Variants in SLC47A2 observed in about 807,000 individuals in gnomAD.
SLC47A2 encodes multidrug and toxin extrusion protein 2.
A neutral mutation model predicts 67.7 loss-of-function variants in SLC47A2; 52 were observed. The observed-to-expected ratio is 0.77, with a 90% CI of 0.61 to 0.97. The LOEUF (loss-of-function observed/expected upper bound fraction) is 0.97, where lower values mean the gene tolerates loss of function less well. SLC47A2 is among the 50% of genes least tolerant of loss of function. The pLI is 0.00. For missense variants in SLC47A2, 676 were observed against 712.3 expected (o/e 0.95, Z 0.58); for synonymous variants, 278 against 292.9 (o/e 0.95, Z 0.52).
At position 19,678,636 on chromosome 17, in the gene SLC47A2, T is replaced by G. The variant is rs749136890; in HGVS notation, c.*50A>C. 3.3e-5 allele frequency: 53 copies of G among 1,585,922 alleles called. No homozygotes were observed. The East Asian group carries it at 1.1e-3, about 34-fold the overall frequency. On this transcript the variant is annotated 3_prime_UTR_variant, in exon 17 of 17. Transcript: ENST00000433844. ...TTTTGCAGGGCAGACCGTGGTGTGT[T>G]TGCATACTGGGGACAGCCACTCCTG... is the stretch of plus-strand genomic sequence containing the variant.
At chr17:19,716,323 A>AGTTTCTGGGGAAAATGTGAGCAC (rs1311764212) in intron 1 of SLC47A2, 110 bp downstream of exon 1, 41 of 1,444,664 alleles carry the variant, frequency 2.8e-5, no homozygotes, top group Non-Finnish European at 3.7e-5. Context: ...CAACATGGGC[A>AGTTTCTGGGGAAAATGTGAGCAC]GTTTCTGGGG....
intron 13 of SLC47A2, among the ~76,000 whole-genome samples, chr17:19,693,692 G>A (rs1435946137): frequency 6.6e-6 from 1 of 151,974 alleles, no homozygotes; most frequent in African/African-American, 2.4e-5. Context: ...CAGCTACTTG[G>A]GAGGCTGAGG....
At chr17:19,684,439 T>G (rs887108395) in intron 13 of SLC47A2, among the ~76,000 whole-genome samples, 1 of 152,112 alleles carries the variant, frequency 6.6e-6, no homozygotes, top group African/African-American at 2.4e-5. Flanking sequence ...TAGAGGGAAA[T>G]GTACAGCTTC....
intron 8 of SLC47A2, 76 bp from the exon 9 acceptor site, chr17:19,706,837 C>A: frequency 8.9e-7 from 1 of 1,120,812 alleles, no homozygotes; most frequent in East Asian, 2.5e-5. Context: ...TGCCAGGAGG[C>A]CCCTAAACCC....
At chr17:19,692,403 A>G in intron 13 of SLC47A2, 1 of 367,812 alleles carries the variant, frequency 2.7e-6, no homozygotes, top group Non-Finnish European at 5.2e-6. Context: ...AGGAAATATG[A>G]AGAGCAACTT....
chr17:19,714,855 T>G, intron 2 of SLC47A2, 66 bp from the exon 3 acceptor site: 1 of 1,603,962 alleles, frequency 6.2e-7, no homozygotes, highest in Non-Finnish European at 8.5e-7. Context: ...CCCCTGCATC[T>G]GGGCTGAGCC....
At chr17:19,687,455 G>A (rs1434107584) in intron 13 of SLC47A2, among the ~76,000 whole-genome samples, 1 of 151,736 alleles carries the variant, frequency 6.6e-6, no homozygotes, top group Non-Finnish European at 1.5e-5. Context: ...AGAAAAGCAA[G>A]AGCAAACCAA....
In SLC47A2 at chr17:19,712,722, A is replaced by C. The variant is rs1437108040; in HGVS notation, c.467T>G (p.Ile156Ser). 6.2e-7 allele frequency: 1 copy of C among 1,613,368 alleles called. No homozygotes were observed. The change falls in exon 5 of 17, where the codon ATT becomes AGT. Residue 156 changes from isoleucine to serine, a missense_variant. Physicochemically the swap from Ile to Ser is moderately radical, Grantham distance 142 (BLOSUM62 -2). Coordinates refer to ENST00000433844, the MANE Select transcript of SLC47A2 (RefSeq NM_001099646.3). Reference protein sequence around the residue: ...VSRLTQDYVMIFIPGLPVIFL... With the variant: ...VSRLTQDYVMSFIPGLPVIFL... The stretch of plus-strand genomic sequence containing the variant: ...ACCTACCGGAAGTCCTGGAATGAAA[A>C]TCATTACATAGTCCTGGGTCAACCT...
intron 11 of SLC47A2, 58 bp from the exon 12 acceptor site, chr17:19,703,225 C>A: frequency 1.3e-6 from 2 of 1,528,928 alleles, no homozygotes; most frequent in South Asian, 2.3e-5. Flanking sequence ...CACCCTTGCT[C>A]AGATCAGCAA....
Position 19,715,135 on chromosome 17 carries a change from G to T in SLC47A2, c.206C>A (p.Ser69Ter). 6.2e-7 allele frequency: 1 copy of T among 1,612,374 alleles called. No homozygotes were observed. Among genetic ancestry groups the T allele is most frequent in the South Asian group, 1.1e-5 (1 of 91,082 alleles). ...ACTCACGGCCACCGCGAGGGTCACCGATGCCAGCTCCACCTTGCCCAGGTG... is the reference window on the plus strand; with the variant it reads ...ACTCACGGCCACCGCGAGGGTCACCTATGCCAGCTCCACCTTGCCCAGGTG... ...CGHLGKVELA[S>*]VTLAVAFVNV... The change falls in exon 2 of 17, where the codon TCG becomes TAG. Residue 69 changes from serine (S) to a stop codon, truncating the protein, a stop_gained. Transcript: ENST00000433844. LOFTEE classifies it high-confidence loss of function.
At position 19,702,672 on chromosome 17, in the gene SLC47A2, T is replaced by C; in HGVS notation, c.1097A>G (p.Asp366Gly). 1 of 1,613,890 alleles carries C rather than the reference T, an allele frequency of 6.2e-7. No homozygotes were observed. The change falls in exon 13 of 17, where the codon GAT becomes GGT. Residue 366 changes from aspartate to glycine, a missense_variant and splice_region_variant. By Grantham distance (94) the Asp-to-Gly change is moderately conservative. Coordinates refer to ENST00000433844, the MANE Select transcript of SLC47A2 (RefSeq NM_001099646.3). ...QLGHIFTNDE[D>G]VIALVSQVLP... ...GACCTGGCTCACCAGGGCAATGACA[T>C]CTCTGCAGAAGAAATGAGAAAGCAT...
chr17:19,708,556 C>A, intron 6 of SLC47A2, 157 bp from the exon 7 acceptor site: 2 of 1,610,326 alleles, frequency 1.2e-6, no homozygotes, highest in Admixed American at 3.3e-5. Context: ...TCACCTGCCT[C>A]TGTGCGGGAG....
intron 13 of SLC47A2, among the ~76,000 whole-genome samples, chr17:19,687,184 C>T (rs2085446870): frequency 6.6e-6 from 1 of 152,056 alleles, no homozygotes; most frequent in South Asian, 2.1e-4. Context: ...TAATATGCTC[C>T]TGAATGACCA....
At position 19,713,004 on chromosome 17, in the gene SLC47A2, T is replaced by C. The variant is rs2059737678; in HGVS notation, c.444-259A>G. On this transcript the variant is annotated intron_variant, in intron 4 of 16. Transcript: ENST00000433844. ...AACGTGGTTCGTAAGAAAAAAAGGTTATATCTTAAAAAGGAATAACCAAAT... is the reference window on the plus strand; with the variant it reads ...AACGTGGTTCGTAAGAAAAAAAGGTCATATCTTAAAAAGGAATAACCAAAT... Among the ~76,000 whole-genome samples the C allele has an allele frequency of 3.9e-5, 6 of 152,302 alleles. No individual in the cohort carries two copies. In the South Asian group the frequency reaches 1.2e-3, roughly 32 times the overall value.
intron 13 of SLC47A2, among the ~76,000 whole-genome samples, chr17:19,697,710 C>T (rs887046935): frequency 9.2e-5 from 14 of 151,932 alleles, no homozygotes; most frequent in African/African-American, 2.9e-4. Flanking sequence ...ACCTCAGCCT[C>T]CCTAGTAGCT....
chr17:19,708,828 A>T (rs2086019045), intron 5 of SLC47A2, 68 bp from the exon 6 acceptor site: 3 of 1,570,754 alleles, frequency 1.9e-6, no homozygotes, highest in Non-Finnish European at 2.6e-6. Flanking sequence ...GCATTAACAG[A>T]CATTCCTTTC....
chr17:19,678,870 G>C lies in SLC47A2; in HGVS notation c.1517C>G (p.Thr506Arg). The stretch of plus-strand genomic sequence containing the variant: ...CACGTGGCACTCAGACCTTGAATAC[G>C]TTGTCAAGGTAATGCCAGGGGAACT... ...TGSSPGITLT[T>R]YSRSECHVDF... The change falls in exon 17 of 17, where the codon ACG becomes AGG. Residue 506 changes from threonine to arginine, a missense_variant. Transcript: ENST00000433844. The C allele has an allele frequency of 6.3e-7, 1 of 1,597,912 alleles. No individual in the cohort carries two copies. The highest frequency in any genetic ancestry group is 8.5e-7 in the Non-Finnish European group (1 of 1,171,144).
intron 13 of SLC47A2, among the ~76,000 whole-genome samples, chr17:19,683,593 T>C (rs1348858882): frequency 6.6e-6 from 1 of 152,166 alleles, no homozygotes; most frequent in Non-Finnish European, 1.5e-5. Context: ...AGGCTGTGCA[T>C]ATGGTGTAGC....
chr17:19,703,730 G>T (rs1213730991), intron 11 of SLC47A2, among the ~76,000 whole-genome samples: 1 of 152,244 alleles, frequency 6.6e-6, no homozygotes, highest in Non-Finnish European at 1.5e-5. Flanking sequence ...GCTGGAAGGA[G>T]AGTGCTGGGC....
Sources: gnomAD v4.1 joint callset for allele counts (sites outside exome capture counted in the v4.1 genomes callset) on GRCh38, gnomAD v4.1.1 for gene constraint, MANE v1.5 for transcripts, NCBI Gene and HGNC (gene_info 2026-07-23, HGNC 2026-07-21) for gene names.